The following NCK2 variants were observed in gnomAD, a reference collection of about 807,000 sequenced individuals.
NCK2 encodes the protein NCK adaptor protein 2.
NCK2 carries 16 observed loss-of-function variants against 33.9 expected under a neutral mutation model. That is an observed-to-expected ratio of 0.47 (90% CI 0.32 to 0.72). The LOEUF (loss-of-function observed/expected upper bound fraction) is 0.72, where lower values mean the gene tolerates loss of function less well. NCK2 is among the 30% of genes least tolerant of loss of function. NCK2 has a pLI of 0.03. For synonymous variants in NCK2, 273 were observed against 239.9 expected (o/e 1.14, Z -1.27); for missense variants, 418 against 537.3 (o/e 0.78, Z 2.19).
Position 105,893,581 on chromosome 2 carries a change from G to A in NCK2, c.*405G>A. Reference sequence around the variant, plus strand: ...CGTGCTGGGCAGAGCAGGTGCGATGGCCCCAGTCCTAGCAGCCCTCGCCCA... The same window carrying A: ...CGTGCTGGGCAGAGCAGGTGCGATGACCCCAGTCCTAGCAGCCCTCGCCCA... On this transcript the variant is annotated 3_prime_UTR_variant, in exon 5 of 5. Transcript: ENST00000233154. 2 of 201,006 alleles carry A rather than the reference G, an allele frequency of 9.9e-6. No individual in the cohort carries two copies. The highest frequency in any genetic ancestry group is 2.0e-4 in the South Asian group (2 of 10,074). 12.5% of individuals were successfully genotyped at this position (201,006 alleles called of 1,614,324 possible).
At chr2:105,807,841 CCCTCCCTCCCTCCCTCCCTTCTCTCTA>C in intron 1 of NCK2, among the ~76,000 whole-genome samples, 1 of 15,946 alleles carries the variant, frequency 6.3e-5, no homozygotes, top group Non-Finnish European at 1.0e-4. Context: ...TTCTATCTCT[CCCTCCCTCCCTCCCTCCCTTCTCTCTA>C]TCTCTCCCTC....
chr2:105,805,264 G>A (rs572315046), intron 1 of NCK2, among the ~76,000 whole-genome samples: 2 of 152,316 alleles, frequency 1.3e-5, no homozygotes, highest in Non-Finnish European at 2.9e-5. Context: ...TCCCAGTACG[G>A]GGAGGAAATA....
chr2:105,856,347 A>T (rs1485686298), intron 3 of NCK2, among the ~76,000 whole-genome samples: 1 of 152,104 alleles, frequency 6.6e-6, no homozygotes, highest in East Asian at 1.9e-4. Flanking sequence ...TTACCTTCTT[A>T]TGAGTATAAT....
At chr2:105,890,525 T>C (rs1678926337) in intron 4 of NCK2, among the ~76,000 whole-genome samples, 1 of 152,248 alleles carries the variant, frequency 6.6e-6, no homozygotes, top group Admixed American at 6.5e-5. Context: ...GAGATTAACC[T>C]TCTGGTTTCT....
chr2:105,746,181 T>G (rs528744387), intron 1 of NCK2, among the ~76,000 whole-genome samples: 1 of 152,348 alleles, frequency 6.6e-6, no homozygotes, highest in Admixed American at 6.5e-5. Context: ...CCAACAGGTT[T>G]AAGGCTGCTT....
At chr2:105,782,976 C>T (rs1048312788) in intron 1 of NCK2, among the ~76,000 whole-genome samples, 4 of 152,208 alleles carry the variant, frequency 2.6e-5, no homozygotes, top group Admixed American at 2.6e-4. Context: ...TAACAAGCCC[C>T]ATTTGCAGCT....
Position 105,804,074 on chromosome 2 carries a change from C to T in NCK2, c.-200-12356C>T, listed in dbSNP as rs546995877. On this transcript the variant is annotated intron_variant, in intron 1 of 4. Coordinates refer to ENST00000233154, the MANE Select transcript of NCK2 (RefSeq NM_003581.5). Reference sequence around the variant, plus strand: ...TTTGGCTTTGCTTGCCCATTTTTTACGGGGCAAATTATATACATAGAGGCA... The same window carrying T: ...TTTGGCTTTGCTTGCCCATTTTTTATGGGGCAAATTATATACATAGAGGCA... Among the ~76,000 whole-genome samples, 33 of 152,210 alleles carry T rather than the reference C, an allele frequency of 2.2e-4. No homozygotes were observed. In the East Asian group the frequency reaches 3.1e-3, roughly 14 times the overall value.
chr2:105,765,829 G>C (rs1225402915), intron 1 of NCK2, among the ~76,000 whole-genome samples: 1 of 151,904 alleles, frequency 6.6e-6, no homozygotes, highest in East Asian at 1.9e-4. Flanking sequence ...GTGTGTGTGT[G>C]TGTAAGTCTG....
At chr2:105,834,976 C>G (rs991333209) in intron 2 of NCK2, among the ~76,000 whole-genome samples, 1 of 152,104 alleles carries the variant, frequency 6.6e-6, no homozygotes, top group African/African-American at 2.4e-5. Flanking sequence ...CTATGCCTAG[C>G]CCTACATTCA....
chr2:105,754,970 C>A (rs542407835), intron 1 of NCK2, among the ~76,000 whole-genome samples: 23 of 151,886 alleles, frequency 1.5e-4, no homozygotes, highest in African/African-American at 5.6e-4. Context: ...TCTGGTTCTC[C>A]CCTCACTTTT....
At chr2:105,888,216 GTTGTACTAA>G (rs1479502892) in intron 4 of NCK2, among the ~76,000 whole-genome samples, 3 of 152,152 alleles carry the variant, frequency 2.0e-5, no homozygotes, top group Non-Finnish European at 2.9e-5. Context: ...AAATGAATGG[GTTGTACTAA>G]TTGTTCATTC....
At chr2:105,754,035 G>C (rs968886892) in intron 1 of NCK2, among the ~76,000 whole-genome samples, 13 of 152,220 alleles carry the variant, frequency 8.5e-5, no homozygotes, top group African/African-American at 2.9e-4. Flanking sequence ...GGGGCCATCA[G>C]AGTGTTGAGC....
In NCK2 at chr2:105,855,296, G is replaced by A; in HGVS notation, c.226+7G>A. ...AACCTGAAGGACACACTAGGTGAGT[G>A]TTTCACCCTCGAGAGAGGAAGCCTT... is the stretch of plus-strand genomic sequence containing the variant. On this transcript the variant is annotated splice_region_variant and intron_variant, in intron 3 of 4. Coordinates refer to ENST00000233154, the MANE Select transcript of NCK2 (RefSeq NM_003581.5). The A allele has an allele frequency of 6.3e-7, 1 of 1,580,862 alleles. No homozygotes were observed. The highest frequency in any genetic ancestry group is 1.1e-5 in the South Asian group (1 of 88,418).
chr2:105,827,927 C>G (rs1381128790), intron 2 of NCK2, among the ~76,000 whole-genome samples: 1 of 152,068 alleles, frequency 6.6e-6, no homozygotes, highest in Non-Finnish European at 1.5e-5. Flanking sequence ...GATGAAATGA[C>G]AGAACCATAT....
rs554256127 is a variant in NCK2 at position 105,868,790 on chromosome 2, A to G, written c.227-12538A>G. ...TTAATCGATAGTTTGCACTATCTGT[A>G]GAATTCTGGAAAGGCGATAGCCTGG... On this transcript the variant is annotated intron_variant, in intron 3 of 4. Coordinates refer to ENST00000233154, the MANE Select transcript of NCK2 (RefSeq NM_003581.5). Among the ~76,000 whole-genome samples the G allele has an allele frequency of 2.6e-5, 4 of 152,338 alleles. No individual in the cohort carries two copies. In the South Asian group the frequency reaches 8.3e-4, roughly 32 times the overall value.
rs1019004176 is a variant in NCK2, at chr2:105,796,997, A to C, written c.-200-19433A>C. Among the ~76,000 whole-genome samples, 5 of 152,140 alleles carry C rather than the reference A, an allele frequency of 3.3e-5. No individual in the cohort carries two copies. In the South Asian group the frequency reaches 6.2e-4, roughly 19 times the overall value. On this transcript the variant is annotated intron_variant, in intron 1 of 4. Transcript: ENST00000233154. ...GCTGGGGTGAGTGTTTGCTGTGATGATGGTTACAAGCATAGTCTTGCAGAA... is the reference window on the plus strand; with the variant it reads ...GCTGGGGTGAGTGTTTGCTGTGATGCTGGTTACAAGCATAGTCTTGCAGAA...
intron 1 of NCK2, among the ~76,000 whole-genome samples, chr2:105,799,620 T>A (rs1674734305): frequency 6.6e-6 from 1 of 152,180 alleles, no homozygotes; most frequent in Non-Finnish European, 1.5e-5. Context: ...CTTCCTATTT[T>A]AAAGCAGAAA....
chr2:105,866,976 A>G (rs147097370), intron 3 of NCK2, among the ~76,000 whole-genome samples: 7 of 152,312 alleles, frequency 4.6e-5, no homozygotes, highest in African/African-American at 1.7e-4. Flanking sequence ...TCTGAGTTGA[A>G]TGTTCTTCAG....
At chr2:105,789,894 G>A (rs963108009) in intron 1 of NCK2, among the ~76,000 whole-genome samples, 1 of 152,216 alleles carries the variant, frequency 6.6e-6, no homozygotes, top group African/African-American at 2.4e-5. Flanking sequence ...ATCAGATAAC[G>A]AACAGGTTGG....
Sources: gnomAD v4.1 joint callset for allele counts (sites outside exome capture counted in the v4.1 genomes callset) on GRCh38, gnomAD v4.1.1 for gene constraint, MANE v1.5 for transcripts, NCBI Gene and HGNC (gene_info 2026-07-23, HGNC 2026-07-21) for gene names.